Variants in ROBO2 observed in about 807,000 individuals in gnomAD.
The protein encoded by ROBO2 is roundabout guidance receptor 2.
Under a neutral mutation model 160.8 loss-of-function variants are expected in ROBO2, and 53 were observed. The observed-to-expected ratio is 0.33, with a 90% CI of 0.26 to 0.41. The LOEUF (loss-of-function observed/expected upper bound fraction) is 0.41, where lower values mean the gene tolerates loss of function less well. Ranked by LOEUF, ROBO2 falls within the 10% of genes least tolerant of loss-of-function variation. The pLI, the probability that ROBO2 is intolerant of heterozygous loss-of-function variation, is 1.00. For missense variants in ROBO2, 1,577 were observed against 1,722.4 expected, an observed-to-expected ratio of 0.92 and a Z score of 1.49; for synonymous variants, 664 against 611.7, an observed-to-expected ratio of 1.09 and a Z score of -1.26.
intron 2 of ROBO2, among the ~76,000 whole-genome samples, chr3:76,299,888 A>C (rs1709270987): frequency 6.6e-6 from 1 of 152,174 alleles, no homozygotes; most frequent in Admixed American, 6.5e-5. Flanking sequence ...AAAACAATGA[A>C]ATTGTTATGA....
chr3:76,142,587 GTTA>G (rs1233716755), intron 2 of ROBO2, among the ~76,000 whole-genome samples: 1 of 151,950 alleles, frequency 6.6e-6, no homozygotes, highest in Non-Finnish European at 1.5e-5. Flanking sequence ...GATATCCTCA[GTTA>G]TTTGTGGGAT....
At chr3:76,636,862 T>A (rs2090366066) in intron 2 of ROBO2, among the ~76,000 whole-genome samples, 1 of 151,922 alleles carries the variant, frequency 6.6e-6, no homozygotes, top group Admixed American at 6.6e-5. Flanking sequence ...TGATTTAATA[T>A]CTTCCGATGT....
intron 2 of ROBO2, among the ~76,000 whole-genome samples, chr3:76,191,473 C>G (rs1702000609): frequency 6.9e-6 from 1 of 145,958 alleles, no homozygotes; most frequent in Non-Finnish European, 1.5e-5. Flanking sequence ...ATCATCCCAA[C>G]AACTCAGACA....
intron 2 of ROBO2, among the ~76,000 whole-genome samples, chr3:76,069,624 T>G (rs1292897710): frequency 4.4e-5 from 1 of 22,788 alleles, no homozygotes; most frequent in African/African-American, 3.7e-4. Context: ...TACCTACACT[T>G]TTTTTTTAAT....
intron 2 of ROBO2, among the ~76,000 whole-genome samples, chr3:76,460,463 A>G (rs1292238765): frequency 1.3e-5 from 2 of 152,168 alleles, no homozygotes; most frequent in Non-Finnish European, 2.9e-5. Flanking sequence ...TGCTAAGGGT[A>G]AGTCGTAAAA....
intron 2 of ROBO2, among the ~76,000 whole-genome samples, chr3:76,260,666 T>G (rs573724206): frequency 2.6e-5 from 4 of 152,228 alleles, no homozygotes; most frequent in African/African-American, 9.6e-5. Flanking sequence ...AAAACAGACC[T>G]ATATCAAAGT....
At chr3:77,217,658 G>C (rs1314362789) in intron 2 of ROBO2, among the ~76,000 whole-genome samples, 1 of 152,184 alleles carries the variant, frequency 6.6e-6, no homozygotes. Flanking sequence ...ATATTCAGCT[G>C]CAATTACAGT....
chr3:77,266,796 G>A (rs1168029378), intron 2 of ROBO2, among the ~76,000 whole-genome samples: 1 of 152,146 alleles, frequency 6.6e-6, no homozygotes, highest in Non-Finnish European at 1.5e-5. Context: ...AGTGATTTAT[G>A]TAAGGGTCAC....
intron 2 of ROBO2, among the ~76,000 whole-genome samples, chr3:77,249,003 G>A (rs532389688): frequency 2.0e-5 from 3 of 151,962 alleles, no homozygotes; most frequent in Non-Finnish European, 4.4e-5. Flanking sequence ...TCAGCCTCCC[G>A]AGTAGCTGGG....
At chr3:76,480,049 G>A (rs58097444) in intron 2 of ROBO2, among the ~76,000 whole-genome samples, 59,921 of 151,712 alleles carry the variant, frequency 0.39, 12,490 homozygotes, top group East Asian at 0.58. Context: ...GAAGGAGGAT[G>A]AGGAGGAGCT....
At chr3:76,712,734 A>G (rs1232005059) in intron 2 of ROBO2, among the ~76,000 whole-genome samples, 1 of 151,950 alleles carries the variant, frequency 6.6e-6, no homozygotes, top group Non-Finnish European at 1.5e-5. Context: ...CTATATTTAA[A>G]TGAGGATACA....
chr3:76,286,299 C>G (rs999203262), intron 2 of ROBO2, among the ~76,000 whole-genome samples: 3 of 152,102 alleles, frequency 2.0e-5, no homozygotes, highest in Admixed American at 2.0e-4. Context: ...GAAACAGCAT[C>G]ATTCAAGGAT....
chr3:77,029,714 T>A (rs1248469112), intron 2 of ROBO2, among the ~76,000 whole-genome samples: 1 of 152,194 alleles, frequency 6.6e-6, no homozygotes, highest in Non-Finnish European at 1.5e-5. Context: ...TGATCCTTAT[T>A]ATACAAAGAA....
intron 20 of ROBO2, among the ~76,000 whole-genome samples, chr3:77,605,184 T>C (rs1320330494): frequency 6.7e-6 from 1 of 148,698 alleles, no homozygotes; most frequent in Admixed American, 6.7e-5. Context: ...AAAAAGTATA[T>C]ATATAGTATA....
At chr3:75,920,460 A>C (rs1042265025) in intron 1 of ROBO2, among the ~76,000 whole-genome samples, 1 of 152,060 alleles carries the variant, frequency 6.6e-6, no homozygotes, top group Non-Finnish European at 1.5e-5. Flanking sequence ...TATGTGGTTG[A>C]TTTTAGAATA....
At chr3:76,035,552 G>C (rs949731749) in intron 2 of ROBO2, among the ~76,000 whole-genome samples, 1 of 151,966 alleles carries the variant, frequency 6.6e-6, no homozygotes, top group Non-Finnish European at 1.5e-5. Flanking sequence ...CCAGCAGACT[G>C]TTTAAGAGCC....
chr3:76,843,099 A>G (rs2068448300), intron 2 of ROBO2, among the ~76,000 whole-genome samples: 1 of 151,970 alleles, frequency 6.6e-6, no homozygotes, highest in South Asian at 2.1e-4. Context: ...TGAGCTTTAT[A>G]GAAGTACCTT....
intron 2 of ROBO2, among the ~76,000 whole-genome samples, chr3:76,707,042 G>T (rs1182522223): frequency 3.3e-5 from 5 of 151,892 alleles, no homozygotes; most frequent in Non-Finnish European, 7.4e-5. Context: ...TCTAATGTGT[G>T]TATGCATGTA....
At chr3:76,789,702 G>A (rs1173637783) in intron 2 of ROBO2, among the ~76,000 whole-genome samples, 1 of 151,628 alleles carries the variant, frequency 6.6e-6, no homozygotes, top group African/African-American at 2.4e-5. Context: ...AGTGAAAAAG[G>A]ACAAAGAGCA....
Sources: allele counts gnomAD v4.1 joint callset (sites outside exome capture counted in the v4.1 genomes callset), GRCh38; gene constraint gnomAD v4.1.1; transcripts MANE v1.5; gene names NCBI Gene and HGNC (gene_info 2026-07-23, HGNC 2026-07-21).